The following CHCHD6 variants were observed in gnomAD, a reference collection of about 807,000 sequenced individuals.
CHCHD6 encodes MICOS complex subunit MIC25.
A neutral mutation model predicts 32.3 loss-of-function variants in CHCHD6; 28 were observed. That is an observed-to-expected ratio of 0.87 (90% CI 0.64 to 1.19). The LOEUF is 1.19. CHCHD6 is among the 50% of genes most tolerant of loss of function. The pLI is 0.00. For synonymous variants in CHCHD6, 122 were observed against 117.5 expected (o/e 1.04, Z -0.25); for missense variants, 333 against 307.0 (o/e 1.08, Z -0.63).
At chr3:126,704,518 C>T (rs1181676947) in intron 1 of CHCHD6, 119 bp downstream of exon 1, 12 of 579,630 alleles carry the variant, frequency 2.1e-5, no homozygotes, top group Admixed American at 4.4e-5. Flanking sequence ...GCTTGGGAGA[C>T]TCCGGGGGCT....
intron 5 of CHCHD6, among the ~76,000 whole-genome samples, chr3:126,890,785 G>C (rs1203074576): frequency 1.3e-5 from 2 of 152,154 alleles, no homozygotes; most frequent in Non-Finnish European, 2.9e-5. Context: ...GTGTATTTCT[G>C]AGCAGCGGTT....
At chr3:126,778,432 G>T (rs796814063) in intron 4 of CHCHD6, among the ~76,000 whole-genome samples, 1 of 152,180 alleles carries the variant, frequency 6.6e-6, no homozygotes, top group Non-Finnish European at 1.5e-5. Context: ...CTTCACCAAC[G>T]CTTGTCTTTT....
At chr3:126,894,437 G>T (rs1215346512) in intron 5 of CHCHD6, among the ~76,000 whole-genome samples, 1 of 152,222 alleles carries the variant, frequency 6.6e-6, no homozygotes, top group African/African-American at 2.4e-5. Flanking sequence ...TTAAACATAG[G>T]GAGAAAGGGG....
chr3:126,875,975 G>C (rs1047129507), intron 5 of CHCHD6, among the ~76,000 whole-genome samples: 1 of 152,128 alleles, frequency 6.6e-6, no homozygotes, highest in African/African-American at 2.4e-5. Context: ...TATGCTAATG[G>C]CATCTAATGA....
chr3:126,906,861 A>G (rs1462271534), intron 5 of CHCHD6, among the ~76,000 whole-genome samples: 1 of 152,156 alleles, frequency 6.6e-6, no homozygotes, highest in East Asian at 1.9e-4. Flanking sequence ...TTCTCCCTGG[A>G]CCAATGAAGA....
At chr3:126,805,729 A>AGCCC in intron 4 of CHCHD6, among the ~76,000 whole-genome samples, 1 of 152,352 alleles carries the variant, frequency 6.6e-6, no homozygotes, top group East Asian at 1.9e-4. Context: ...ACCAAAAAAG[A>AGCCC]GCCCGCATCG....
chr3:126,896,198 A>G (rs1163741204), intron 5 of CHCHD6, among the ~76,000 whole-genome samples: 2 of 152,242 alleles, frequency 1.3e-5, no homozygotes, highest in Non-Finnish European at 2.9e-5. Context: ...TTACTTTTCA[A>G]GATAAAACAC....
At chr3:126,762,707 T>C (rs1937207521) in intron 4 of CHCHD6, among the ~76,000 whole-genome samples, 1 of 152,232 alleles carries the variant, frequency 6.6e-6, no homozygotes, top group Admixed American at 6.5e-5. Context: ...ATTTGTCCCT[T>C]TTATTTTATG....
At chr3:126,772,331 G>C (rs559071533) in intron 4 of CHCHD6, among the ~76,000 whole-genome samples, 31 of 152,218 alleles carry the variant, frequency 2.0e-4, no homozygotes, top group African/African-American at 7.2e-4. Context: ...TTGATCTCCT[G>C]ACCTCGTCCG....
chr3:126,847,896 C>A (rs537433424), intron 4 of CHCHD6, among the ~76,000 whole-genome samples: 50 of 152,234 alleles, frequency 3.3e-4, no homozygotes, highest in Middle Eastern at 6.8e-3. Flanking sequence ...TCTTTCCTTC[C>A]TCATCTTCTG....
chr3:126,863,528 C>G, intron 5 of CHCHD6, among the ~76,000 whole-genome samples: 1 of 132,662 alleles, frequency 7.5e-6, no homozygotes, highest in Non-Finnish European at 1.6e-5. Flanking sequence ...TCCACCATCA[C>G]CACCTCCTCC....
intron 4 of CHCHD6, among the ~76,000 whole-genome samples, chr3:126,753,470 A>G (rs777820726): frequency 2.6e-5 from 4 of 152,216 alleles, no homozygotes; most frequent in Admixed American, 1.3e-4. Flanking sequence ...CATGCCTGCC[A>G]TAGCTGCGGC....
chr3:126,789,891 C>T (rs771226669), intron 4 of CHCHD6, among the ~76,000 whole-genome samples: 2 of 126,918 alleles, frequency 1.6e-5, no homozygotes, highest in East Asian at 2.2e-4. Flanking sequence ...TTATTTTGCT[C>T]GTTAGTTGAT....
At position 126,957,475 on chromosome 3, in the gene CHCHD6, G is replaced by A. The variant is rs756119568; in HGVS notation, c.626G>A (p.Arg209Gln). The change falls in exon 7 of 8, where the codon CGA becomes CAA. Residue 209 changes from arginine (R) to glutamine (Q), a missense_variant. Physicochemically the swap from Arg to Gln is conservative, Grantham distance 43 (BLOSUM62 1). Coordinates refer to ENST00000290913, the MANE Select transcript of CHCHD6 (RefSeq NM_032343.3). ...CAGGCCCAGATTCTCCACTGCTACC[G>A]AGATCGCCCGCATGAGGTGCTGCTG... ...GLQAQILHCYRDRPHEVLLCS... is the reference protein window; with the variant it reads ...GLQAQILHCYQDRPHEVLLCS... 2.2e-5 allele frequency: 35 copies of A among 1,608,952 alleles called. No individual in the cohort carries two copies. In the Middle Eastern group the frequency reaches 4.9e-4, roughly 23 times the overall value.
chr3:126,718,381 T>C (rs1178485643), intron 1 of CHCHD6, among the ~76,000 whole-genome samples: 1 of 152,198 alleles, frequency 6.6e-6, no homozygotes, highest in Non-Finnish European at 1.5e-5. Flanking sequence ...ATTGCTTCAT[T>C]TAATCCTGGA....
chr3:126,716,253 T>C (rs1296250346), intron 1 of CHCHD6, among the ~76,000 whole-genome samples: 1 of 152,262 alleles, frequency 6.6e-6, no homozygotes, highest in South Asian at 2.1e-4. Flanking sequence ...CCTGCCAGAC[T>C]GAGCCGTGGT....
chr3:126,780,255 A>G (rs1055836531), intron 4 of CHCHD6: 3 of 352,536 alleles, frequency 8.5e-6, no homozygotes, highest in Non-Finnish European at 1.7e-5. Context: ...AAAGTTAGGG[A>G]AACACCTAAG....
chr3:126,721,523 G>A (rs1192786608), intron 1 of CHCHD6, among the ~76,000 whole-genome samples: 1 of 152,160 alleles, frequency 6.6e-6, no homozygotes, highest in Non-Finnish European at 1.5e-5. Flanking sequence ...TTGACTTCCT[G>A]TCTGGGCTGC....
intron 4 of CHCHD6, among the ~76,000 whole-genome samples, chr3:126,819,536 A>G (rs1940063510): frequency 6.6e-6 from 1 of 152,192 alleles, no homozygotes; most frequent in South Asian, 2.1e-4. Flanking sequence ...GTCAGACCGT[A>G]GTTCATAGCC....
Sources: allele counts gnomAD v4.1 joint callset (sites outside exome capture counted in the v4.1 genomes callset), GRCh38; gene constraint gnomAD v4.1.1; transcripts MANE v1.5; gene names NCBI Gene and HGNC (gene_info 2026-07-23, HGNC 2026-07-21).